The following MAP3K15 variants were observed in gnomAD, a reference collection of about 807,000 sequenced individuals.
MAP3K15 encodes the protein MAPK/ERK kinase kinase 15.
MAP3K15 carries 124 observed loss-of-function variants against 99.5 expected under a neutral mutation model. That is an observed-to-expected ratio of 1.25 (90% CI 1.08 to 1.45). The LOEUF (loss-of-function observed/expected upper bound fraction) is 1.45. Among genes scored for constraint, MAP3K15 ranks in the 40% most tolerant of loss-of-function variants. The pLI, the probability that MAP3K15 is intolerant of heterozygous loss-of-function variation, is 0.00. For missense variants in MAP3K15, 1,242 were observed against 1,079.7 expected (o/e 1.15, Z -2.11); for synonymous variants, 494 against 439.6 (o/e 1.12, Z -1.55).
chrX:19,416,239 A>G (rs780780762), intron 9 of MAP3K15, among the ~76,000 whole-genome samples: 1 of 111,260 alleles, frequency 9.0e-6, no homozygotes, highest in African/African-American at 3.3e-5. Context: ...GCTGAGGCAG[A>G]AGGAATGCTT....
At chrX:19,368,180 T>C (rs1397517484) in intron 25 of MAP3K15, among the ~76,000 whole-genome samples, 1 of 111,757 alleles carries the variant, frequency 8.9e-6, no homozygotes, top group Non-Finnish European at 1.9e-5. Context: ...GTTTCTCTCA[T>C]TGCCCAGGCT....
At chrX:19,400,704 C>G in intron 13 of MAP3K15, 41 bp from the exon 14 acceptor site, 1 of 914,807 alleles carries the variant, frequency 1.1e-6, no homozygotes, top group Non-Finnish European at 1.6e-6. Context: ...CAACTCAGAA[C>G]TGCTCTCATT....
intron 1 of MAP3K15, among the ~76,000 whole-genome samples, chrX:19,491,270 G>C: frequency 9.0e-6 from 1 of 111,187 alleles, no homozygotes; most frequent in Non-Finnish European, 1.9e-5. Flanking sequence ...TTCCTCAAAA[G>C]AAAAAACCAA....
Position 19,515,033 on chromosome X carries a change from C to A in MAP3K15, c.229G>T (p.Gly77Cys). ...TGCCGCGCCCCAGCCTCCGGGCCGC[C>A]GGCCGCGCCGCCCTGGGAGCTCTCA... ...RSESSQGGAA[G>C]GPEAGARQCL... Residue 77 changes from glycine (G) to cysteine (C), a missense_variant, in exon 1 of 29, where the codon GGC (glycine) becomes TGC (cysteine). Physicochemically the swap from Gly to Cys is radical, Grantham distance 159. Coordinates refer to ENST00000338883, the MANE Select transcript of MAP3K15 (RefSeq NM_001001671.4). 1 of 1,047,178 alleles carries A rather than the reference C, an allele frequency of 9.5e-7. No individual in the cohort carries two copies. 86.3% of individuals were successfully genotyped at this position (1,047,178 alleles called of 1,213,427 possible). A position where few individuals can be genotyped will look rare whatever the true frequency, so the allele number is the denominator to read the frequency against.
intron 7 of MAP3K15, 96 bp downstream of exon 7, chrX:19,431,342 C>T (rs1044835357): frequency 2.1e-5 from 17 of 798,713 alleles, no homozygotes; most frequent in Admixed American, 9.8e-5. Context: ...TGCCAACAGA[C>T]AGACATATAC....
intron 13 of MAP3K15, among the ~76,000 whole-genome samples, chrX:19,402,141 TTA>T (rs200531850): frequency 3.0e-4 from 28 of 94,273 alleles, no homozygotes; most frequent in African/African-American, 1.4e-3. Context: ...TTTTTTTTTT[TTA>T]AATTAGCCAG....
intron 19 of MAP3K15, among the ~76,000 whole-genome samples, chrX:19,378,701 A>G (rs1236321323): frequency 9.0e-6 from 1 of 111,560 alleles, no homozygotes; most frequent in African/African-American, 3.3e-5. Context: ...GTTTCTAAGC[A>G]TACATGAGGC....
chrX:19,470,495 T>A (rs184499779), intron 3 of MAP3K15, among the ~76,000 whole-genome samples: 83 of 107,385 alleles, frequency 7.7e-4, no homozygotes, highest in African/African-American at 2.6e-3. Context: ...GGCAAATGTA[T>A]ACATATGTAA....
chrX:19,419,902 A>G (rs1042124440), intron 9 of MAP3K15, among the ~76,000 whole-genome samples: 5 of 112,146 alleles, frequency 4.5e-5, no homozygotes, highest in African/African-American at 6.5e-5. Flanking sequence ...AAACCGCTCA[A>G]CTACATGGAA....
chrX:19,370,265 G>C (rs2063365147), intron 24 of MAP3K15, among the ~76,000 whole-genome samples: 1 of 112,502 alleles, frequency 8.9e-6, no homozygotes, highest in Non-Finnish European at 1.9e-5. Flanking sequence ...GATTCAGAGA[G>C]AGGAATCTGA....
chrX:19,433,056 T>C (rs758167248), intron 6 of MAP3K15, among the ~76,000 whole-genome samples: 3 of 111,900 alleles, frequency 2.7e-5, no homozygotes, highest in Non-Finnish European at 5.6e-5. Context: ...TATCTGGGGA[T>C]AAAATGGTAT....
chrX:19,437,385 G>A (rs1469704049), intron 6 of MAP3K15, among the ~76,000 whole-genome samples: 1 of 111,604 alleles, frequency 9.0e-6, no homozygotes, highest in Non-Finnish European at 1.9e-5. Flanking sequence ...TCTACAAGAT[G>A]TGGTCCTAGT....
intron 25 of MAP3K15, among the ~76,000 whole-genome samples, chrX:19,367,282 T>C (rs533497448): frequency 4.5e-5 from 5 of 110,443 alleles, no homozygotes; most frequent in African/African-American, 6.6e-5. Flanking sequence ...GATGAGAACA[T>C]ATGGACACAT....
At chrX:19,372,266 T>G (rs1339259450) in intron 22 of MAP3K15, among the ~76,000 whole-genome samples, 1 of 111,642 alleles carries the variant, frequency 9.0e-6, no homozygotes, top group Non-Finnish European at 1.9e-5. Flanking sequence ...AGGTGGCTGT[T>G]CTCCCAGCTT....
At chrX:19,406,649 A>G (rs1483046313) in intron 13 of MAP3K15, among the ~76,000 whole-genome samples, 1 of 112,518 alleles carries the variant, frequency 8.9e-6, no homozygotes, top group African/African-American at 3.2e-5. Context: ...TTCTAAAACT[A>G]GATTATGGTG....
chrX:19,405,964 C>T (rs1479264971), intron 13 of MAP3K15, among the ~76,000 whole-genome samples: 1 of 111,391 alleles, frequency 9.0e-6, no homozygotes, highest in African/African-American at 3.3e-5. Context: ...GACATTTCTC[C>T]AGAGGTATAT....
chrX:19,405,015 T>C (rs2063637172), intron 13 of MAP3K15, among the ~76,000 whole-genome samples: 1 of 111,278 alleles, frequency 9.0e-6, no homozygotes, highest in South Asian at 3.8e-4. Context: ...ATAGGTAAGT[T>C]GTACTTCATC....
chrX:19,391,674 CAAAAAA>C (rs759061873), intron 18 of MAP3K15, among the ~76,000 whole-genome samples: 1 of 28,535 alleles, frequency 3.5e-5, no homozygotes, highest in Non-Finnish European at 7.1e-5. Context: ...GACCCCGTCT[CAAAAAA>C]AAAAAAAAAA....
intron 1 of MAP3K15, among the ~76,000 whole-genome samples, chrX:19,505,922 GTTTT>G (rs1051075916): frequency 8.3e-5 from 9 of 107,807 alleles, no homozygotes; most frequent in African/African-American, 2.7e-4. Flanking sequence ...AATTTTTGGG[GTTTT>G]TTGTTTGTTT....
Sources: gnomAD v4.1 joint callset for allele counts (sites outside exome capture counted in the v4.1 genomes callset) on GRCh38, gnomAD v4.1.1 for gene constraint, MANE v1.5 for transcripts, NCBI Gene and HGNC (gene_info 2026-07-23, HGNC 2026-07-21) for gene names.